The following FBXO42 variants were observed in gnomAD, a reference collection of about 807,000 sequenced individuals.
FBXO42 encodes F-box only protein 42.
In FBXO42, 12 loss-of-function variants were observed where a neutral mutation model predicts 71.7. That is an observed-to-expected ratio of 0.17 (90% CI 0.11 to 0.27). The LOEUF is 0.27. Ranked by LOEUF, FBXO42 falls within the 10% of genes least tolerant of loss-of-function variation. FBXO42 has a pLI of 1.00. For missense variants in FBXO42, 707 were observed against 911.9 expected (o/e 0.78, Z 2.89); for synonymous variants, 325 against 327.5 (o/e 0.99, Z 0.08).
chr1:16,281,662 TTC>T (rs2081965537), intron 4 of FBXO42, among the ~76,000 whole-genome samples: 1 of 150,436 alleles, frequency 6.6e-6, no homozygotes, highest in Non-Finnish European at 1.5e-5. Context: ...TTCTTTTTCT[TTC>T]TTTTTTTTTT....
Position 16,253,645 on chromosome 1 carries a change from C to G in FBXO42, c.854G>C (p.Gly285Ala). The G allele has an allele frequency of 6.2e-7, 1 of 1,614,130 alleles. No individual in the cohort carries two copies. The highest frequency in any genetic ancestry group is 8.5e-7 in the Non-Finnish European group (1 of 1,180,002). ...ISGPSPHPRG[G>A]QSQIVIDDAT... Reference sequence around the variant, plus strand: ...TTAATTCCTGAGCACCTGAGATTGGCCACCTCGAGGATGAGGACTGGGGCC... The same window carrying G: ...TTAATTCCTGAGCACCTGAGATTGGGCACCTCGAGGATGAGGACTGGGGCC... The change falls in exon 7 of 10, where the codon GGC becomes GCC. Residue 285 changes from glycine to alanine, a missense_variant. This residue lies in a region of FBXO42 where 482 missense variants were observed against 587.1 expected (regional missense o/e 0.82). Coordinates refer to ENST00000375592, the MANE Select transcript of FBXO42 (RefSeq NM_018994.3).
At chr1:16,265,289 C>T (rs1285065909) in intron 4 of FBXO42, among the ~76,000 whole-genome samples, 2 of 152,024 alleles carry the variant, frequency 1.3e-5, no homozygotes, top group Non-Finnish European at 2.9e-5. Flanking sequence ...TGGGGTTTCT[C>T]CATGTTGGTC....
intron 5 of FBXO42, 151 bp from the exon 6 acceptor site, chr1:16,255,972 G>C (rs2081638909): frequency 1.6e-6 from 1 of 607,618 alleles, no homozygotes; most frequent in African/African-American, 1.9e-5. Context: ...ATGTATTTAT[G>C]CCTTTCCTAC....
chr1:16,341,056 G>A (rs2082600021), intron 1 of FBXO42, among the ~76,000 whole-genome samples: 1 of 152,188 alleles, frequency 6.6e-6, no homozygotes, highest in South Asian at 2.1e-4. Context: ...GTGTGGAAAT[G>A]AATAAGGACT....
At chr1:16,342,471 A>G (rs2082614100) in intron 1 of FBXO42, among the ~76,000 whole-genome samples, 1 of 150,422 alleles carries the variant, frequency 6.6e-6, no homozygotes. Flanking sequence ...AGTCTCTGCT[A>G]CTAGGGAGGC....
rs1254405836 is a variant in FBXO42, at chr1:16,255,769, A to G, written c.709T>C (p.Ser237Pro). Reference sequence around the variant, plus strand: ...ATCATTTTATCATCTATCACACAGGAGGAGTGGCCAGCCATGGGAGGTGGC... The same window carrying G: ...ATCATTTTATCATCTATCACACAGGGGGAGTGGCCAGCCATGGGAGGTGGC... ...HGPPPMAGHS[S>P]CVIDDKMIVF... is the part of the protein sequence containing the mutation. The change falls in exon 6 of 10, where the codon TCC (serine) becomes CCC (proline). Residue 237 changes from serine to proline, a missense_variant. By Grantham distance (74) the Ser-to-Pro change is moderately conservative. Transcript: ENST00000375592. 1 of 1,614,158 alleles carries G rather than the reference A, an allele frequency of 6.2e-7. No individual in the cohort carries two copies. Among genetic ancestry groups the G allele is most frequent in the Admixed American group, 1.7e-5 (1 of 60,012 alleles).
Position 16,248,964 on chromosome 1 carries a change from C to T in FBXO42, c.*1706G>A, listed in dbSNP as rs1189347299. 1 of 152,268 alleles carries T rather than the reference C, an allele frequency of 6.6e-6. No individual in the cohort carries two copies. The highest frequency in any genetic ancestry group is 1.5e-5 in the Non-Finnish European group (1 of 68,048). The allele number at this position is 152,268 out of a possible 1,614,324, so 9.4% of individuals were successfully genotyped here. A position where few individuals can be genotyped will look rare whatever the true frequency, so the allele number is the denominator to read the frequency against. On this transcript the variant is annotated 3_prime_UTR_variant, in exon 10 of 10. Coordinates refer to ENST00000375592, the MANE Select transcript of FBXO42 (RefSeq NM_018994.3). ...GCATGATGTAACAGGAGAAAACACA[C>T]TTATCAGTACACTTAGGCTGCCAGA...
chr1:16,263,113 T>C (rs2081732511), intron 4 of FBXO42, among the ~76,000 whole-genome samples: 1 of 152,278 alleles, frequency 6.6e-6, no homozygotes, highest in Non-Finnish European at 1.5e-5. Flanking sequence ...AAAGCCATAT[T>C]CAAATTACAT....
intron 4 of FBXO42, among the ~76,000 whole-genome samples, chr1:16,278,381 C>CA (rs1350447922): frequency 6.6e-6 from 1 of 151,294 alleles, no homozygotes; most frequent in South Asian, 2.1e-4. Flanking sequence ...AAAAACAAAA[C>CA]AAAAAAAACC....
intron 4 of FBXO42, among the ~76,000 whole-genome samples, chr1:16,259,848 A>T (rs1177444956): frequency 6.6e-6 from 1 of 152,168 alleles, no homozygotes; most frequent in Non-Finnish European, 1.5e-5. Flanking sequence ...TAGAATTTTT[A>T]AAAGTATTCA....
intron 1 of FBXO42, among the ~76,000 whole-genome samples, chr1:16,348,973 T>C (rs992475107): frequency 2.8e-4 from 42 of 152,146 alleles, no homozygotes; most frequent in African/African-American, 1.0e-3. Flanking sequence ...CTTAGTAATC[T>C]GAGATATTTT....
Position 16,313,320 on chromosome 1 carries a change from AAAACAAAG to A in FBXO42, c.250+1841_250+1848del, listed in dbSNP as rs1448592748. 1.5e-3 allele frequency among the ~76,000 whole-genome samples: 160 copies of A among 110,224 alleles called. 1 individual carries two copies. Among genetic ancestry groups the A allele is most frequent in the African/African-American group, 5.6e-3 (144 of 25,654 alleles). 72.3% of individuals were successfully genotyped at this position (110,224 alleles called of 152,430 possible). A position where few individuals can be genotyped will look rare whatever the true frequency, so the allele number is the denominator to read the frequency against. ...AGAGAGAAAGAAAGAAAGAGAAAAG[AAAACAAAG>A]AAAGAAAGAAAGAAAGAAAGAAAGA... On this transcript the variant is annotated intron_variant, in intron 2 of 9. Transcript: ENST00000375592.
chr1:16,345,767 G>A (rs1348012921), intron 1 of FBXO42, among the ~76,000 whole-genome samples: 1 of 149,530 alleles, frequency 6.7e-6, no homozygotes, highest in Non-Finnish European at 1.5e-5. Flanking sequence ...AGAATGGCAT[G>A]AACCGGGGAG....
At chr1:16,350,757 A>AGAAAAGAAAGAAAGAAAGAAAGAAAG (rs1553156684) in intron 1 of FBXO42, among the ~76,000 whole-genome samples, 3 of 44,248 alleles carry the variant, frequency 6.8e-5, no homozygotes, top group South Asian at 1.0e-3. Flanking sequence ...AAAAAAAAAA[A>AGAAAAGAAAGAAAGAAAGAAAGAAAG]AAAGAAAGAA....
At chr1:16,282,288 C>T (rs1246168024) in intron 4 of FBXO42, among the ~76,000 whole-genome samples, 4 of 150,312 alleles carry the variant, frequency 2.7e-5, no homozygotes, top group East Asian at 2.0e-4. Flanking sequence ...TGCAGTGGCG[C>T]GATCTCGGCT....
intron 1 of FBXO42, among the ~76,000 whole-genome samples, chr1:16,350,757 AAAAGAAAGAAAG>A (rs559971807): frequency 2.3e-4 from 10 of 44,248 alleles, no homozygotes; most frequent in Admixed American, 3.8e-4. Context: ...AAAAAAAAAA[AAAAGAAAGAAAG>A]AAAGAAAGAA....
chr1:16,289,128 G>A (rs2082052741), intron 4 of FBXO42, among the ~76,000 whole-genome samples: 1 of 151,932 alleles, frequency 6.6e-6, no homozygotes, highest in Non-Finnish European at 1.5e-5. Context: ...AAGGGCAGTG[G>A]CTCATGCCTG....
At chr1:16,334,433 A>G (rs915571167) in intron 1 of FBXO42, among the ~76,000 whole-genome samples, 2 of 151,794 alleles carry the variant, frequency 1.3e-5, no homozygotes, top group African/African-American at 4.8e-5. Flanking sequence ...AAAAAAAAAA[A>G]AAAAAAACAG....
intron 4 of FBXO42, among the ~76,000 whole-genome samples, chr1:16,282,910 G>A (rs1313385453): frequency 3.3e-5 from 5 of 151,892 alleles, no homozygotes; most frequent in South Asian, 2.1e-4. Context: ...GAACCCAGGA[G>A]GCAGAGGATG....
Sources: allele counts gnomAD v4.1 joint callset (sites outside exome capture counted in the v4.1 genomes callset), GRCh38; gene constraint gnomAD v4.1.1; regional missense constraint gnomAD v4.1.1; transcripts MANE v1.5; gene names NCBI Gene and HGNC (gene_info 2026-07-23, HGNC 2026-07-21).